STS: variants seen among roughly 807,000 people sequenced by gnomAD.
STS encodes steroid sulfatase, also known as steryl-sulfatase.
Under a neutral mutation model 26.8 loss-of-function variants are expected in STS, and 7 were observed. The ratio of observed to expected loss-of-function variants is 0.26; its 90% CI spans 0.15 to 0.49. STS has a LOEUF of 0.49. STS is among the 20% of genes least tolerant of loss of function. STS has a pLI of 0.98. For missense variants in STS, 434 were observed against 465.6 expected (o/e 0.93, Z 0.63); for synonymous variants, 199 against 189.4 (o/e 1.05, Z -0.42).
At chrX:7,316,622 A>G (rs1211556711) in intron 8 of STS, among the ~76,000 whole-genome samples, 2 of 112,399 alleles carry the variant, frequency 1.8e-5, no homozygotes, top group African/African-American at 6.5e-5. Context: ...AATTAATTTT[A>G]AGGATATTCT....
intron 1 of STS, among the ~76,000 whole-genome samples, chrX:7,163,560 G>A (rs908483495): frequency 2.7e-5 from 3 of 112,264 alleles, no homozygotes; most frequent in Admixed American, 9.4e-5. Flanking sequence ...ACTTGGCCAA[G>A]GTTCTGTTCA....
At chrX:7,231,427 A>G (rs1922054538) in intron 2 of STS, among the ~76,000 whole-genome samples, 1 of 112,169 alleles carries the variant, frequency 8.9e-6, no homozygotes, top group Non-Finnish European at 1.9e-5. Flanking sequence ...TTACCTTGTC[A>G]ATGTGTGTTC....
At chrX:7,323,290 A>G (rs926304764) in intron 8 of STS, among the ~76,000 whole-genome samples, 1 of 109,097 alleles carries the variant, frequency 9.2e-6, no homozygotes, top group Non-Finnish European at 1.9e-5. Flanking sequence ...GGTATATTGC[A>G]TTATGCTGAG....
rs1438519183 is a variant in STS at position 7,279,147 on chromosome X, T to C, written c.943+3060T>C. ...GGTAAAACCCCATCTCTACTAAAAATACAAAAATTAGCCGGGCATGGTGGT... is the reference window on the plus strand; with the variant it reads ...GGTAAAACCCCATCTCTACTAAAAACACAAAAATTAGCCGGGCATGGTGGT... On this transcript the variant is annotated intron_variant, in intron 7 of 10. Coordinates refer to ENST00000674429, the MANE Select transcript of STS (RefSeq NM_001320752.2). Among the ~76,000 whole-genome samples, 4 of 107,432 alleles carry C rather than the reference T, an allele frequency of 3.7e-5. No homozygotes were observed. The Admixed American group carries it at 4.0e-4, about 11-fold the overall frequency. The allele number at this position is 107,432 out of a possible 115,157, so 93.3% of individuals were successfully genotyped here. A position where few individuals can be genotyped will look rare whatever the true frequency, so the allele number is the denominator to read the frequency against.
intron 7 of STS, among the ~76,000 whole-genome samples, chrX:7,294,236 G>A (rs5934913): frequency 0.43 from 47,348 of 109,618 alleles, 7,742 homozygotes; most frequent in African/African-American, 0.52. Flanking sequence ...CCTGGAATTT[G>A]TATCTCAAAT....
chrX:7,279,279 GA>G (rs1224859237), intron 7 of STS, among the ~76,000 whole-genome samples: 1,160 of 47,170 alleles, frequency 0.025, 17 homozygotes, highest in African/African-American at 0.078. Context: ...ACTCCAGGAA[GA>G]AAAAAAAAAA....
intron 2 of STS, among the ~76,000 whole-genome samples, chrX:7,203,099 C>G (rs1460504853): frequency 9.0e-6 from 1 of 111,081 alleles, no homozygotes; most frequent in Non-Finnish European, 1.9e-5. Flanking sequence ...AGCTGAGACA[C>G]TCTTCATCTC....
chrX:7,212,794 A>T (rs1382505682), intron 2 of STS, among the ~76,000 whole-genome samples: 1 of 112,456 alleles, frequency 8.9e-6, no homozygotes, highest in East Asian at 2.8e-4. Context: ...ATTAAATTGT[A>T]ATAATGAAAT....
intron 2 of STS, among the ~76,000 whole-genome samples, chrX:7,225,506 A>G (rs1270866437): frequency 1.8e-5 from 2 of 111,907 alleles, no homozygotes; most frequent in African/African-American, 6.5e-5. Flanking sequence ...GTCAACACAT[A>G]TGAAGTGTTG....
intron 6 of STS, among the ~76,000 whole-genome samples, chrX:7,261,513 G>A (rs181928872): frequency 3.8e-4 from 42 of 111,720 alleles, no homozygotes; most frequent in Non-Finnish European, 2.6e-4. Context: ...AAAAGGTAAC[G>A]TACTCTATGA....
chrX:7,323,526 A>G (rs1389045844), intron 8 of STS, among the ~76,000 whole-genome samples: 2 of 111,652 alleles, frequency 1.8e-5, no homozygotes, highest in African/African-American at 6.5e-5. Context: ...GCCTCTAGCT[A>G]TACCATGTTG....
intron 3 of STS, among the ~76,000 whole-genome samples, chrX:7,256,052 G>A (rs1334359044): frequency 9.0e-6 from 1 of 111,509 alleles, no homozygotes; most frequent in East Asian, 2.8e-4. Context: ...TCCAAATATA[G>A]GTCAATCCCC....
Position 7,191,012 on chromosome X carries a change from AGTAT to A in STS, c.-5+6_-5+9del. 1.3e-6 allele frequency: 1 copy of A among 752,550 alleles called. No individual in the cohort carries two copies. Among genetic ancestry groups the A allele is most frequent in the African/African-American group, 2.3e-5 (1 of 43,684 alleles). The allele number at this position is 752,550 out of a possible 1,213,427, so 62.0% of individuals were successfully genotyped here. On this transcript the variant is annotated splice_donor_5th_base_variant and intron_variant, in intron 2 of 10. Transcript: ENST00000674429. ...ATCGTCTTCAGCTGTTCATAGCGTA[AGTAT>A]GAGAGGTGCATATGTTTGTATCTTC... is the stretch of plus-strand genomic sequence containing the variant.
intron 5 of STS, among the ~76,000 whole-genome samples, chrX:7,258,009 GGGATGGAT>G (rs36138671): frequency 1.8e-3 from 182 of 100,578 alleles, no homozygotes; most frequent in East Asian, 5.2e-3. Context: ...TGAGATAGAT[GGGATGGAT>G]GGATGGATGG....
intron 9 of STS, among the ~76,000 whole-genome samples, chrX:7,329,353 T>A (rs369197746): frequency 5.1e-4 from 57 of 112,248 alleles, no homozygotes; most frequent in African/African-American, 1.8e-3. Context: ...AATGATTATC[T>A]TACCCATTAT....
rs760683011 is a variant in STS at position 7,338,446 on chromosome X, A to T, written c.1363+4339A>T. On this transcript the variant is annotated intron_variant, in intron 10 of 10. Coordinates refer to ENST00000674429, the MANE Select transcript of STS (RefSeq NM_001320752.2). ...GTTAACAGCTTAAAGCGTTTTGTAC[A>T]GACATATATGGAATCTTAGCATCAT... Among the ~76,000 whole-genome samples, 8 of 112,453 alleles carry T rather than the reference A, an allele frequency of 7.1e-5. No individual in the cohort carries two copies. The East Asian group carries it at 2.2e-3, about 31-fold the overall frequency.
intron 1 of STS, among the ~76,000 whole-genome samples, chrX:7,152,727 A>G (rs903476204): frequency 2.5e-4 from 28 of 112,650 alleles, no homozygotes; most frequent in African/African-American, 8.7e-4. Flanking sequence ...CAACCATTTT[A>G]TTTGATTTCA....
At chrX:7,345,177 G>T (rs182400838) in intron 10 of STS, among the ~76,000 whole-genome samples, 1 of 111,491 alleles carries the variant, frequency 9.0e-6, no homozygotes, top group East Asian at 2.8e-4. Context: ...ATTTCTCGCA[G>T]CCCAACAAAA....
intron 7 of STS, among the ~76,000 whole-genome samples, chrX:7,286,684 G>A (rs764584398): frequency 7.0e-4 from 78 of 111,547 alleles, no homozygotes; most frequent in Non-Finnish European, 1.3e-3. Flanking sequence ...CCACTTATGC[G>A]TGATTCTCTT....
Sources: gnomAD v4.1 joint callset for allele counts (sites outside exome capture counted in the v4.1 genomes callset) on GRCh38, gnomAD v4.1.1 for gene constraint, MANE v1.5 for transcripts, NCBI Gene and HGNC (gene_info 2026-07-23, HGNC 2026-07-21) for gene names.